The following UNC5C variants were observed in gnomAD, a reference collection of about 807,000 sequenced individuals.
The protein encoded by UNC5C is unc-5 netrin receptor C, also known as netrin receptor UNC5C.
A neutral mutation model predicts 99.8 loss-of-function variants in UNC5C; 47 were observed. The ratio of observed to expected loss-of-function variants is 0.47; its 90% CI spans 0.37 to 0.60. UNC5C has a LOEUF of 0.60. Among genes scored for constraint, UNC5C ranks in the 20% least tolerant of loss-of-function variants. The probability of loss-of-function intolerance (pLI) is 0.00; values close to 1 mark genes in which losing one functional copy is unlikely to be tolerated. For synonymous variants in UNC5C, 487 were observed against 452.2 expected (o/e 1.08, Z -0.98); for missense variants, 1,062 against 1,165.9 (o/e 0.91, Z 1.30).
intron 1 of UNC5C, among the ~76,000 whole-genome samples, chr4:95,365,919 G>T (rs956590595): frequency 1.1e-4 from 17 of 149,320 alleles, no homozygotes; most frequent in Admixed American, 5.4e-4. Flanking sequence ...GGATTTCTCT[G>T]CTCTAAAGAA....
At chr4:95,506,334 G>A (rs535511952) in intron 1 of UNC5C, among the ~76,000 whole-genome samples, 2 of 151,994 alleles carry the variant, frequency 1.3e-5, no homozygotes, top group Non-Finnish European at 2.9e-5. Flanking sequence ...ATCTGCCTCA[G>A]ATGAGTAATT....
intron 12 of UNC5C, among the ~76,000 whole-genome samples, chr4:95,202,426 G>A (rs556549558): frequency 5.3e-5 from 8 of 152,288 alleles, no homozygotes; most frequent in African/African-American, 1.7e-4. Flanking sequence ...ACGCAGCTGA[G>A]ATAAACATGG....
intron 2 of UNC5C, among the ~76,000 whole-genome samples, chr4:95,310,244 C>T (rs1742227812): frequency 6.6e-6 from 1 of 151,970 alleles, no homozygotes; most frequent in Admixed American, 6.6e-5. Flanking sequence ...AAGGTGAAAC[C>T]ATAGAAGCAG....
At chr4:95,533,014 G>A (rs1160904441) in intron 1 of UNC5C, among the ~76,000 whole-genome samples, 1 of 152,068 alleles carries the variant, frequency 6.6e-6, no homozygotes, top group Non-Finnish European at 1.5e-5. Flanking sequence ...AGGACAGGAA[G>A]CAGGAAGAAC....
In UNC5C at chr4:95,167,130, C is replaced by T. The variant is rs772452755; in HGVS notation, c.*2104G>A. ...TCTCAAGATGCTACCAAAATAGGAG[C>T]GGAAACATGGAAAGATGGAAGCACA... On this transcript the variant is annotated 3_prime_UTR_variant, in exon 16 of 16. Transcript: ENST00000453304. The T allele has an allele frequency of 6.6e-5, 10 of 152,108 alleles. No homozygotes were observed. Among genetic ancestry groups the T allele is most frequent in the African/African-American group, 1.4e-4 (6 of 41,412 alleles). The allele number at this position is 152,108 out of a possible 1,614,324, so 9.4% of individuals were successfully genotyped here.
intron 1 of UNC5C, among the ~76,000 whole-genome samples, chr4:95,449,448 C>CT (rs1215236704): frequency 6.6e-6 from 1 of 152,120 alleles, no homozygotes; most frequent in Non-Finnish European, 1.5e-5. Context: ...TATTGACTTC[C>CT]TGTAAGGTGT....
chr4:95,200,793 G>T (rs540217734), intron 12 of UNC5C, among the ~76,000 whole-genome samples: 1 of 152,066 alleles, frequency 6.6e-6, no homozygotes, highest in African/African-American at 2.4e-5. Context: ...CGTGCCTTGG[G>T]CATCTTTTAT....
intron 5 of UNC5C, among the ~76,000 whole-genome samples, chr4:95,247,564 G>A (rs1287542500): frequency 6.6e-6 from 1 of 152,120 alleles, no homozygotes; most frequent in Non-Finnish European, 1.5e-5. Context: ...AAGATCGTAG[G>A]TTTATCCCTT....
chr4:95,366,841 G>T (rs535590086), intron 1 of UNC5C, among the ~76,000 whole-genome samples: 3 of 152,164 alleles, frequency 2.0e-5, no homozygotes, highest in Admixed American at 6.5e-5. Context: ...ACTTTTCTTT[G>T]TGAGGCAATT....
At chr4:95,446,724 C>T (rs1401545865) in intron 1 of UNC5C, among the ~76,000 whole-genome samples, 1 of 152,038 alleles carries the variant, frequency 6.6e-6, no homozygotes, top group Non-Finnish European at 1.5e-5. Context: ...TTACACACTG[C>T]GTTTCAAAAC....
At chr4:95,179,398 C>CAAAT (rs973852154) in intron 14 of UNC5C, among the ~76,000 whole-genome samples, 3 of 152,170 alleles carry the variant, frequency 2.0e-5, no homozygotes, top group Non-Finnish European at 4.4e-5. Flanking sequence ...TAAGATCTAG[C>CAAAT]AAATATAAAA....
Position 95,202,675 on chromosome 4 carries a change from A to T in UNC5C, c.2136+56T>A, listed in dbSNP as rs1055258453. On this transcript the variant is annotated intron_variant, in intron 12 of 15. Transcript: ENST00000453304. ...CATCTCCAAGTGTGCACAGCCGTGC[A>T]AAACCTTGGCTTCCAGGTGGAGGTG... The T allele has an allele frequency of 1.9e-6, 3 of 1,557,554 alleles. No individual in the cohort carries two copies. In the African/African-American group the frequency reaches 4.1e-5, roughly 21 times the overall value.
chr4:95,170,023 T>C (rs375232595), intron 15 of UNC5C, 131 bp downstream of exon 15: 1 of 1,224,602 alleles, frequency 8.2e-7, no homozygotes, highest in Non-Finnish European at 1.1e-6. Context: ...GCTTAATGCA[T>C]ATTTGCAAAA....
intron 1 of UNC5C, among the ~76,000 whole-genome samples, chr4:95,518,030 G>A (rs1183570074): frequency 6.6e-6 from 1 of 152,114 alleles, no homozygotes; most frequent in Non-Finnish European, 1.5e-5. Flanking sequence ...ATCACATTAT[G>A]GCAGATTTCT....
intron 7 of UNC5C, among the ~76,000 whole-genome samples, chr4:95,240,629 A>G (rs994130325): frequency 1.3e-5 from 2 of 151,970 alleles, no homozygotes; most frequent in African/African-American, 4.8e-5. Flanking sequence ...AACAAAAACA[A>G]ACACAAACAC....
chr4:95,435,221 A>C (rs1746742272), intron 1 of UNC5C, among the ~76,000 whole-genome samples: 1 of 152,050 alleles, frequency 6.6e-6, no homozygotes, highest in Admixed American at 6.6e-5. Flanking sequence ...TCAGTGCAAA[A>C]CCCAGTGTGA....
At chr4:95,213,690 A>T (rs1383578189) in intron 10 of UNC5C, among the ~76,000 whole-genome samples, 2 of 152,238 alleles carry the variant, frequency 1.3e-5, no homozygotes, top group Non-Finnish European at 2.9e-5. Context: ...AATAAAAGTA[A>T]TCAGAGAGAA....
chr4:95,518,482 A>G (rs138040939), intron 1 of UNC5C, among the ~76,000 whole-genome samples: 2 of 152,302 alleles, frequency 1.3e-5, no homozygotes, highest in African/African-American at 4.8e-5. Flanking sequence ...ATATTTTTTA[A>G]ATTGACTTTA....
At chr4:95,528,524 A>G (rs1018455158) in intron 1 of UNC5C, among the ~76,000 whole-genome samples, 2 of 152,216 alleles carry the variant, frequency 1.3e-5, no homozygotes, top group African/African-American at 4.8e-5. Flanking sequence ...TGTATTTTAA[A>G]GGAGACAACA....
Sources: allele counts gnomAD v4.1 joint callset (sites outside exome capture counted in the v4.1 genomes callset), GRCh38; gene constraint gnomAD v4.1.1; transcripts MANE v1.5; gene names NCBI Gene and HGNC (gene_info 2026-07-23, HGNC 2026-07-21).